The following POLN variants were observed in gnomAD, a reference collection of about 807,000 sequenced individuals.
POLN encodes DNA polymerase N.
POLN carries 108 observed loss-of-function variants against 113.5 expected under a neutral mutation model. The observed-to-expected ratio is 0.95, with a 90% CI of 0.81 to 1.12. The LOEUF is 1.12. POLN is among the 50% of genes most tolerant of loss of function. The pLI is 0.00. For missense variants in POLN, 1,097 were observed against 1,077.1 expected (o/e 1.02, Z -0.26); for synonymous variants, 386 against 391.5 (o/e 0.99, Z 0.17).
chr4:2,092,236 G>A (rs1730684872), intron 20 of POLN, among the ~76,000 whole-genome samples: 2 of 152,218 alleles, frequency 1.3e-5, no homozygotes. Flanking sequence ...CAGGCCTGTG[G>A]GTCACGTGAT....
At chr4:2,091,098 C>T (rs962889901) in intron 20 of POLN, among the ~76,000 whole-genome samples, 1 of 152,202 alleles carries the variant, frequency 6.6e-6, no homozygotes, top group African/African-American at 2.4e-5. Flanking sequence ...CAGGTGTCAG[C>T]TGACCTCCAA....
rs1027181088 is a variant in POLN at position 2,186,336 on chromosome 4, C to G, written c.1021+6868G>C. On this transcript the variant is annotated intron_variant, in intron 7 of 25. Transcript: ENST00000511885. ...GCAGTGGTAGAGACTAGCAGACACT[C>G]GGCTCTGTACCATAGACAGAGGAGA... Among the ~76,000 whole-genome samples the G allele has an allele frequency of 5.3e-5, 8 of 152,264 alleles. No homozygotes were observed. In the East Asian group the frequency reaches 1.5e-3, roughly 29 times the overall value.
Position 2,072,233 on chromosome 4 carries a change from A to C in POLN, c.2584T>G (p.Trp862Gly). Residue 862 changes from tryptophan to glycine, a missense_variant, in exon 26 of 26, where the codon TGG (tryptophan) becomes GGG (glycine). By Grantham distance (184) the Trp-to-Gly change is radical. Coordinates refer to ENST00000511885, the MANE Select transcript of POLN (RefSeq NM_181808.4). ...CGACATGGGCCTGGCGGAGGGCCCC[A>C]GGCCTCCTGCAGTGGCACCAGGTGT... ...WGHLVPLQEA[W>G]GPPPGPCRTE... 1 of 1,603,524 alleles carries C rather than the reference A, an allele frequency of 6.2e-7. No homozygotes were observed. The highest frequency in any genetic ancestry group is 2.2e-5 in the East Asian group (1 of 44,640).
chr4:2,148,904 C>T (rs1030076146), intron 16 of POLN, among the ~76,000 whole-genome samples: 2 of 152,234 alleles, frequency 1.3e-5, no homozygotes, highest in Admixed American at 6.5e-5. Flanking sequence ...AAGAAAGTAA[C>T]ATCTTCAAAG....
At chr4:2,226,079 G>A (rs569810750) in intron 3 of POLN, among the ~76,000 whole-genome samples, 3 of 152,264 alleles carry the variant, frequency 2.0e-5, no homozygotes, top group South Asian at 4.1e-4. Context: ...GTCACTCAGG[G>A]GCCCAGGATC....
At chr4:2,197,472 A>C (rs1733608811) in intron 6 of POLN, among the ~76,000 whole-genome samples, 2 of 152,164 alleles carry the variant, frequency 1.3e-5, no homozygotes, top group African/African-American at 2.4e-5. Flanking sequence ...ACTGACTAAG[A>C]CAGCCAGGCC....
At chr4:2,210,411 C>T (rs185349962) in intron 4 of POLN, among the ~76,000 whole-genome samples, 49 of 149,432 alleles carry the variant, frequency 3.3e-4, no homozygotes, top group African/African-American at 1.2e-3. Flanking sequence ...AAACCCTGTC[C>T]TTTTACAAAG....
intron 19 of POLN, among the ~76,000 whole-genome samples, chr4:2,105,359 G>A (rs1731040163): frequency 6.6e-6 from 1 of 152,014 alleles, no homozygotes; most frequent in Non-Finnish European, 1.5e-5. Flanking sequence ...CCCATTCTCT[G>A]CTCAGCACCA....
chr4:2,116,177 A>G (rs919636054), intron 19 of POLN, among the ~76,000 whole-genome samples: 1 of 152,144 alleles, frequency 6.6e-6, no homozygotes, highest in African/African-American at 2.4e-5. Flanking sequence ...CTGTCCCTAG[A>G]CACTCTGGAA....
At chr4:2,209,394 G>C (rs999186524) in intron 4 of POLN, among the ~76,000 whole-genome samples, 2 of 149,974 alleles carry the variant, frequency 1.3e-5, no homozygotes, top group Admixed American at 1.3e-4. Context: ...GCAGAGAATC[G>C]CTTGAACCTG....
chr4:2,091,755 G>A (rs1212060138), intron 20 of POLN, among the ~76,000 whole-genome samples: 8 of 144,864 alleles, frequency 5.5e-5, no homozygotes, highest in African/African-American at 1.8e-4. Context: ...GTGGGTACAC[G>A]TGAATCTGTG....
intron 7 of POLN, among the ~76,000 whole-genome samples, chr4:2,188,643 A>G (rs1039240414): frequency 6.6e-6 from 1 of 151,398 alleles, no homozygotes; most frequent in Non-Finnish European, 1.5e-5. Context: ...ACAAAAAAAA[A>G]CCACGAACAT....
chr4:2,175,020 C>T (rs763613830), intron 9 of POLN, among the ~76,000 whole-genome samples: 5 of 152,036 alleles, frequency 3.3e-5, no homozygotes, highest in Non-Finnish European at 7.4e-5. Flanking sequence ...GACGGAGTTT[C>T]GCCATGTAGG....
intron 6 of POLN, among the ~76,000 whole-genome samples, chr4:2,197,279 C>T (rs35144460): frequency 4.9e-3 from 739 of 152,246 alleles, no homozygotes; most frequent in Middle Eastern, 0.01. Context: ...TTCTTGTGAT[C>T]CAGTAGGAGG....
chr4:2,205,966 A>G (rs1733833347), intron 5 of POLN, among the ~76,000 whole-genome samples: 1 of 152,194 alleles, frequency 6.6e-6, no homozygotes, highest in Non-Finnish European at 1.5e-5. Flanking sequence ...AAAAAGAGCA[A>G]ATCTGGAGGC....
intron 23 of POLN, chr4:2,080,011 A>G: frequency 1.0e-6 from 1 of 980,836 alleles, no homozygotes; most frequent in Non-Finnish European, 1.2e-6. Context: ...TTAGACCCCC[A>G]CGGGACTGTC....
In POLN at chr4:2,114,451, A is replaced by G. The variant is rs144120993; in HGVS notation, c.1982+13662T>C. 5.9e-5 allele frequency among the ~76,000 whole-genome samples: 9 copies of G among 152,306 alleles called. No individual in the cohort carries two copies. The East Asian group carries it at 1.4e-3, about 23-fold the overall frequency. ...TAAGACACATTCCTTTGGATTTTAT[A>G]TATCTGAAAATGTATCTTTTGCATT... On this transcript the variant is annotated intron_variant, in intron 19 of 25. Coordinates refer to ENST00000511885, the MANE Select transcript of POLN (RefSeq NM_181808.4).
rs567361593 is a variant in POLN at position 2,099,354 on chromosome 4, C to T, written c.1983-3421G>A. 2.0e-5 allele frequency among the ~76,000 whole-genome samples: 3 copies of T among 152,332 alleles called. No individual in the cohort carries two copies. The South Asian group carries it at 6.2e-4, about 32-fold the overall frequency. On this transcript the variant is annotated intron_variant, in intron 19 of 25. Coordinates refer to ENST00000511885, the MANE Select transcript of POLN (RefSeq NM_181808.4). ...AGGTCAGCATCAGCAGGGGTAAGTC[C>T]TGTTGACAGTGCAAGTCCCTGATTC...
At chr4:2,228,348 C>CTTTTTTTTT (rs531222767) in intron 3 of POLN, 1 of 183,204 alleles carries the variant, frequency 5.5e-6, no homozygotes, top group African/African-American at 2.7e-5. Flanking sequence ...ACTGCTTTCA[C>CTTTTTTTTT]TTTTTTTTTT....
Sources: allele counts gnomAD v4.1 joint callset (sites outside exome capture counted in the v4.1 genomes callset), GRCh38; gene constraint gnomAD v4.1.1; transcripts MANE v1.5; gene names NCBI Gene and HGNC (gene_info 2026-07-23, HGNC 2026-07-21).